Variants in RGS20 observed in about 807,000 individuals in gnomAD.
The protein encoded by RGS20 is regulator of G protein signaling 20, also known as gz-selective GTPase-activating protein.
Under a neutral mutation model 33.6 loss-of-function variants are expected in RGS20, and 30 were observed. The observed-to-expected ratio is 0.89, with a 90% CI of 0.67 to 1.21. The LOEUF is 1.21. Ranked by LOEUF, RGS20 falls within the 50% of genes most tolerant of loss-of-function variation. The pLI, the probability that RGS20 is intolerant of heterozygous loss-of-function variation, is 0.00. For missense variants in RGS20, 472 were observed against 502.4 expected, an observed-to-expected ratio of 0.94 and a Z score of 0.58; for synonymous variants, 208 against 197.9, an observed-to-expected ratio of 1.05 and a Z score of -0.43.
At chr8:53,881,920 G>C (rs1395552996) in intron 2 of RGS20, among the ~76,000 whole-genome samples, 1 of 152,120 alleles carries the variant, frequency 6.6e-6, no homozygotes, top group East Asian at 1.9e-4. Context: ...GAGACTGGGG[G>C]CGGGAAGTGG....
intron 2 of RGS20, among the ~76,000 whole-genome samples, chr8:53,881,844 C>G (rs1259023226): frequency 1.3e-5 from 2 of 151,884 alleles, no homozygotes; most frequent in African/African-American, 4.8e-5. Context: ...CGGAGCTGCC[C>G]TGGGAAGTCG....
chr8:53,928,608 G>A (rs1054168957), intron 2 of RGS20, among the ~76,000 whole-genome samples: 15 of 152,208 alleles, frequency 9.9e-5, no homozygotes, highest in African/African-American at 3.4e-4. Context: ...AAGATCACCT[G>A]AGGTCAGGAG....
chr8:53,852,830 G>T (rs950503064), intron 1 of RGS20, among the ~76,000 whole-genome samples: 1 of 151,856 alleles, frequency 6.6e-6, no homozygotes, highest in Admixed American at 6.6e-5. Context: ...CTTTTGCCGC[G>T]GCTCATATCC....
intron 3 of RGS20, among the ~76,000 whole-genome samples, chr8:53,941,991 C>T (rs1814310530): frequency 6.6e-6 from 1 of 152,120 alleles, no homozygotes; most frequent in South Asian, 2.1e-4. Context: ...AAAAAAAGAT[C>T]AGCTGGGTGC....
intron 1 of RGS20, among the ~76,000 whole-genome samples, chr8:53,873,059 T>C (rs569225934): frequency 1.3e-5 from 2 of 152,218 alleles, no homozygotes; most frequent in South Asian, 4.2e-4. Flanking sequence ...CTGGGTGCTG[T>C]CCTCATGATA....
chr8:53,947,674 T>C (rs1231380117), intron 4 of RGS20, among the ~76,000 whole-genome samples: 3 of 93,676 alleles, frequency 3.2e-5, no homozygotes, highest in African/African-American at 1.3e-4. Flanking sequence ...ATATAGGATA[T>C]AGTACATACA....
intron 4 of RGS20, among the ~76,000 whole-genome samples, chr8:53,949,322 T>TATA (rs1814643973): frequency 9.3e-6 from 1 of 107,480 alleles, no homozygotes. Context: ...GTATATATAT[T>TATA]TATTGGTCAT....
At chr8:53,862,328 A>G (rs1811827795) in intron 1 of RGS20, among the ~76,000 whole-genome samples, 1 of 152,228 alleles carries the variant, frequency 6.6e-6, no homozygotes, top group Non-Finnish European at 1.5e-5. Context: ...TAGATCCACA[A>G]GAATGAACCT....
At chr8:53,912,150 T>A (rs955450588) in intron 2 of RGS20, among the ~76,000 whole-genome samples, 12 of 152,168 alleles carry the variant, frequency 7.9e-5, no homozygotes, top group Admixed American at 4.6e-4. Flanking sequence ...TGCTATGTGT[T>A]GCAAGCACAT....
intron 1 of RGS20, chr8:53,852,146 C>T: frequency 7.8e-7 from 1 of 1,277,844 alleles, no homozygotes; most frequent in Middle Eastern, 2.0e-4. Flanking sequence ...TATACTCAAG[C>T]TTTAGTGCCA....
intron 5 of RGS20, among the ~76,000 whole-genome samples, chr8:53,954,933 GCCTTA>G (rs763405448): frequency 7.9e-5 from 12 of 151,228 alleles, no homozygotes; most frequent in Non-Finnish European, 1.6e-4. Context: ...TGATCCACCT[GCCTTA>G]GCCTCCCAAA....
At chr8:53,898,833 A>C (rs1585899895) in intron 2 of RGS20, among the ~76,000 whole-genome samples, 1 of 152,242 alleles carries the variant, frequency 6.6e-6, no homozygotes, top group African/African-American at 2.4e-5. Flanking sequence ...GCCAAGGAGC[A>C]CTGCAGGTGC....
intron 1 of RGS20, among the ~76,000 whole-genome samples, chr8:53,867,765 C>T (rs774605553): frequency 4.0e-5 from 6 of 151,598 alleles, no homozygotes; most frequent in Non-Finnish European, 8.8e-5. Context: ...ACAGGGTCTC[C>T]GATCACCAGT....
At chr8:53,871,197 C>G (rs1812059434) in intron 1 of RGS20, among the ~76,000 whole-genome samples, 1 of 150,002 alleles carries the variant, frequency 6.7e-6, no homozygotes, top group African/African-American at 2.5e-5. Context: ...AGTTTTCTAT[C>G]CAGCAAATGG....
At chr8:53,910,328 A>AAT (rs775159415) in intron 2 of RGS20, among the ~76,000 whole-genome samples, 1 of 152,212 alleles carries the variant, frequency 6.6e-6, no homozygotes, top group Non-Finnish European at 1.5e-5. Context: ...CATAGCAGAT[A>AAT]ATACATGAAA....
intron 1 of RGS20, among the ~76,000 whole-genome samples, chr8:53,866,784 C>T (rs1040585465): frequency 4.6e-5 from 7 of 151,962 alleles, no homozygotes; most frequent in Admixed American, 1.3e-4. Context: ...GTTAAGGAGG[C>T]CACTATAATT....
intron 5 of RGS20, among the ~76,000 whole-genome samples, chr8:53,955,651 G>C (rs1814845358): frequency 6.6e-6 from 1 of 152,022 alleles, no homozygotes; most frequent in African/African-American, 2.4e-5. Context: ...CCAACATGGT[G>C]AAACCCCATC....
At chr8:53,872,237 A>C (rs902688449) in intron 1 of RGS20, among the ~76,000 whole-genome samples, 4 of 152,182 alleles carry the variant, frequency 2.6e-5, no homozygotes, top group African/African-American at 9.7e-5. Flanking sequence ...TGTCCAAGTC[A>C]TCATCTTCTT....
intron 3 of RGS20, among the ~76,000 whole-genome samples, chr8:53,943,420 A>C (rs1814366090): frequency 1.3e-5 from 2 of 152,184 alleles, no homozygotes; most frequent in Admixed American, 1.3e-4. Context: ...AGTTGAATAT[A>C]AAGTTTTTTT....
Sources: gnomAD v4.1 joint callset for allele counts (sites outside exome capture counted in the v4.1 genomes callset) on GRCh38, gnomAD v4.1.1 for gene constraint, MANE v1.5 for transcripts, NCBI Gene and HGNC (gene_info 2026-07-23, HGNC 2026-07-21) for gene names.